Variants in SLC1A6 observed in about 807,000 individuals in gnomAD.
The protein encoded by SLC1A6 is solute carrier family 1 member 6, also known as excitatory amino acid transporter 4.
SLC1A6 carries 15 observed loss-of-function variants against 42.1 expected under a neutral mutation model. The observed-to-expected ratio is 0.36, with a 90% CI of 0.24 to 0.55. The LOEUF (loss-of-function observed/expected upper bound fraction) is 0.55. Ranked by LOEUF, SLC1A6 falls within the 20% of genes least tolerant of loss-of-function variation. SLC1A6 has a pLI of 0.88. For missense variants in SLC1A6, 542 were observed against 772.5 expected (o/e 0.70, Z 3.54); for synonymous variants, 317 against 319.7 (o/e 0.99, Z 0.09).
At chr19:14,974,335 C>T (rs997152119) in intron 1 of SLC1A6, 2 of 151,802 alleles carry the variant, frequency 1.3e-5, no homozygotes, top group Admixed American at 6.6e-5. Flanking sequence ...CCAGCCTGGA[C>T]GACAGAGTGA....
At chr19:15,009,763 AT>A (rs879357228) in intron 1 of SLC1A6, among the ~76,000 whole-genome samples, 265 of 152,258 alleles carry the variant, frequency 1.7e-3, no homozygotes, top group African/African-American at 4.7e-3. Context: ...ATAAAAATAA[AT>A]TTTTTTTAAA....
intron 1 of SLC1A6, among the ~76,000 whole-genome samples, chr19:14,995,543 G>A (rs536602334): frequency 3.0e-4 from 46 of 151,908 alleles, no homozygotes; most frequent in Admixed American, 2.0e-4. Context: ...CAAAAAATGC[G>A]AAGCGAACAG....
At chr19:14,953,133 CAG>C in intron 8 of SLC1A6, 71 bp from the exon 9 acceptor site, 2 of 1,230,622 alleles carry the variant, frequency 1.6e-6, no homozygotes, top group South Asian at 1.3e-5. Flanking sequence ...AGGAAAAGGA[CAG>C]AGAGAAGGGA....
intron 1 of SLC1A6, among the ~76,000 whole-genome samples, chr19:14,996,538 T>TTCTTCC (rs2045847532): frequency 1.4e-5 from 2 of 140,600 alleles, no homozygotes; most frequent in African/African-American, 5.6e-5. Context: ...TTTCTTCTTC[T>TTCTTCC]TCTTCTTCTT....
chr19:14,955,656 C>T (rs193028687), intron 7 of SLC1A6, among the ~76,000 whole-genome samples: 29 of 150,944 alleles, frequency 1.9e-4, no homozygotes, highest in African/African-American at 6.3e-4. Flanking sequence ...TATTTTTGGC[C>T]GGGCGTGGCG....
At chr19:14,997,568 GC>G (rs2045853015) in intron 1 of SLC1A6, among the ~76,000 whole-genome samples, 1 of 152,130 alleles carries the variant, frequency 6.6e-6, no homozygotes, top group Non-Finnish European at 1.5e-5. Flanking sequence ...GCTTCAGACA[GC>G]CAAGAGAGCA....
chr19:14,957,140 G>A (rs1349269593), intron 6 of SLC1A6, among the ~76,000 whole-genome samples: 2 of 152,068 alleles, frequency 1.3e-5, no homozygotes, highest in Non-Finnish European at 1.5e-5. Context: ...CATTTGAAAT[G>A]TGTATGCCCC....
At chr19:14,973,979 TG>T (rs1233852818) in intron 1 of SLC1A6, 1 of 152,294 alleles carries the variant, frequency 6.6e-6, no homozygotes, top group Non-Finnish European at 1.5e-5. Context: ...TGGCAGGCAC[TG>T]TACTGATGTT....
chr19:14,965,569 G>T (rs2045564705), intron 4 of SLC1A6, among the ~76,000 whole-genome samples: 1 of 152,130 alleles, frequency 6.6e-6, no homozygotes, highest in Non-Finnish European at 1.5e-5. Context: ...AATGAAATAG[G>T]CTGGGTGCAG....
At chr19:14,990,875 T>C (rs1185137946) in intron 1 of SLC1A6, among the ~76,000 whole-genome samples, 3 of 151,926 alleles carry the variant, frequency 2.0e-5, no homozygotes, top group South Asian at 4.2e-4. Context: ...TCTAGACAAA[T>C]GCTAAGAGAG....
chr19:15,008,849 T>TC (rs1165398543), intron 1 of SLC1A6, among the ~76,000 whole-genome samples: 10 of 151,382 alleles, frequency 6.6e-5, no homozygotes. Context: ...TTCGCGTTTT[T>TC]TTTTTTTTTA....
intron 1 of SLC1A6, among the ~76,000 whole-genome samples, chr19:15,003,672 A>G (rs1239048190): frequency 1.4e-5 from 2 of 144,794 alleles, no homozygotes; most frequent in African/African-American, 2.5e-5. Context: ...AAAAAAAAAA[A>G]AAGAAAGAAA....
At chr19:14,991,121 A>G (rs1340408249) in intron 1 of SLC1A6, among the ~76,000 whole-genome samples, 1 of 152,242 alleles carries the variant, frequency 6.6e-6, no homozygotes, top group South Asian at 2.1e-4. Context: ...AAAAGGCCAC[A>G]TAAGTGTATA....
intron 1 of SLC1A6, chr19:14,977,037 GAAAAA>G (rs151268318): frequency 0.16 from 22,902 of 138,864 alleles, 1,879 homozygotes; most frequent in Middle Eastern, 0.29. Flanking sequence ...TCCTTGCTGT[GAAAAA>G]AAAAAAAAAA....
At chr19:14,971,540 G>A (rs1203114730) in intron 3 of SLC1A6, among the ~76,000 whole-genome samples, 197 bp downstream of exon 3, 1 of 152,164 alleles carries the variant, frequency 6.6e-6, no homozygotes, top group African/African-American at 2.4e-5. Context: ...AGTGGTGTGG[G>A]GTCATATGGG....
At chr19:14,970,675 C>T (rs2045629259) in intron 3 of SLC1A6, among the ~76,000 whole-genome samples, 2 of 151,566 alleles carry the variant, frequency 1.3e-5, no homozygotes, top group Non-Finnish European at 1.5e-5. Context: ...TGTGCCACTG[C>T]ACTCCAGCCT....
At chr19:14,992,069 A>G (rs966445771) in intron 1 of SLC1A6, among the ~76,000 whole-genome samples, 6 of 151,734 alleles carry the variant, frequency 4.0e-5, no homozygotes, top group Non-Finnish European at 7.4e-5. Flanking sequence ...TAGGTGATCC[A>G]CCCGCCTCAG....
chr19:14,959,993 T>C (rs2045494890), intron 6 of SLC1A6, among the ~76,000 whole-genome samples: 1 of 152,198 alleles, frequency 6.6e-6, no homozygotes, highest in African/African-American at 2.4e-5. Flanking sequence ...TGTGAGCTTG[T>C]TGAGGACAAG....
chr19:14,959,769 CT>C (rs746290150), intron 6 of SLC1A6, among the ~76,000 whole-genome samples: 3 of 152,218 alleles, frequency 2.0e-5, no homozygotes, highest in Non-Finnish European at 4.4e-5. Flanking sequence ...TACGTCTCCC[CT>C]CTCACTGTCC....
Sources: gnomAD v4.1 joint callset for allele counts (sites outside exome capture counted in the v4.1 genomes callset) on GRCh38, gnomAD v4.1.1 for gene constraint, MANE v1.5 for transcripts, NCBI Gene and HGNC (gene_info 2026-07-23, HGNC 2026-07-21) for gene names.